The following AOPEP variants were observed in gnomAD, a reference collection of about 807,000 sequenced individuals.
AOPEP encodes the protein aminopeptidase O (putative).
A neutral mutation model predicts 98.1 loss-of-function variants in AOPEP; 77 were observed. The observed-to-expected ratio is 0.78, with a 90% confidence interval of 0.65 to 0.95. The LOEUF (loss-of-function observed/expected upper bound fraction) is 0.95. Among genes scored for constraint, AOPEP ranks in the 40% least tolerant of loss-of-function variants. The pLI, the probability that AOPEP is intolerant of heterozygous loss-of-function variation, is 0.00. For missense variants in AOPEP, 1,024 were observed against 1,024.7 expected, an observed-to-expected ratio of 1.00 and a Z score of 0.01; for synonymous variants, 346 against 365.3, an observed-to-expected ratio of 0.95 and a Z score of 0.60.
At chr9:94,729,104 C>G (rs184813120) in intron 1 of AOPEP, among the ~76,000 whole-genome samples, 2 of 152,040 alleles carry the variant, frequency 1.3e-5, no homozygotes, top group South Asian at 2.1e-4. Context: ...TTCTTGTGAT[C>G]GTGATATTTA....
At chr9:95,144,214 C>T in the AOPEP span, among the ~76,000 whole-genome samples, 2 of 152,174 alleles carry the variant, frequency 1.3e-5, no homozygotes, top group African/African-American at 2.4e-5. Context: ...TGGGATGTTC[C>T]GCCTACGGGA....
the AOPEP span, among the ~76,000 whole-genome samples, chr9:95,124,498 G>A: frequency 5.9e-5 from 9 of 152,276 alleles, no homozygotes; most frequent in East Asian, 1.7e-3. Context: ...GTGCGGGCCT[G>A]GCCTTTGGTT....
intron 14 of AOPEP, among the ~76,000 whole-genome samples, chr9:95,064,578 C>T (rs941311708): frequency 1.3e-5 from 2 of 152,338 alleles, no homozygotes; most frequent in East Asian, 1.9e-4. Flanking sequence ...CGTGAGCCAC[C>T]GCGCCTGGCC....
intron 7 of AOPEP, chr9:94,933,158 C>T (rs1251727775): frequency 2.0e-6 from 2 of 985,632 alleles, no homozygotes; most frequent in Admixed American, 1.2e-4. Context: ...GTCATCTATC[C>T]CCTGCCTACA....
At chr9:94,882,078 C>T (rs1051857916) in intron 5 of AOPEP, among the ~76,000 whole-genome samples, 12 of 152,186 alleles carry the variant, frequency 7.9e-5, no homozygotes, top group Non-Finnish European at 1.6e-4. Flanking sequence ...CTAAGCTCAG[C>T]TTTAGAACAT....
downstream of AOPEP, among the ~76,000 whole-genome samples, chr9:95,092,007 A>C (rs2134353526): frequency 6.6e-6 from 1 of 152,078 alleles, no homozygotes; most frequent in Admixed American, 6.5e-5. Context: ...TTCGGTCACC[A>C]GGCTGTGGCC....
At chr9:94,968,031 C>T (rs57054200) in intron 10 of AOPEP, among the ~76,000 whole-genome samples, 11,779 of 152,040 alleles carry the variant, frequency 0.077, 1,146 homozygotes, top group African/African-American at 0.23. Context: ...AGTCAGGAGC[C>T]CCAAAAGTGA....
At chr9:95,114,756 A>C in the AOPEP span, 831 of 1,562,042 alleles carry the variant, frequency 5.3e-4, no homozygotes, top group Non-Finnish European at 6.8e-4. Context: ...AGGAAATGTC[A>C]AGCCCATGAG....
At chr9:94,750,336 A>C (rs1390853317) in intron 1 of AOPEP, among the ~76,000 whole-genome samples, 1 of 152,188 alleles carries the variant, frequency 6.6e-6, no homozygotes, top group African/African-American at 2.4e-5. Flanking sequence ...CTGTAATCCC[A>C]GCACTTTAGG....
intron 5 of AOPEP, among the ~76,000 whole-genome samples, chr9:94,867,275 TA>T (rs996233252): frequency 6.6e-6 from 1 of 152,234 alleles, no homozygotes; most frequent in Non-Finnish European, 1.5e-5. Context: ...GATTTGCATT[TA>T]TCCCCTTTCT....
chr9:94,921,865 G>A (rs967566381), intron 5 of AOPEP, among the ~76,000 whole-genome samples: 4 of 152,150 alleles, frequency 2.6e-5, no homozygotes, highest in African/African-American at 9.7e-5. Flanking sequence ...GAGCCGGCAG[G>A]ATGTTCAGAC....
chr9:94,986,919 GT>G (rs2060558521), intron 11 of AOPEP, among the ~76,000 whole-genome samples: 1 of 152,176 alleles, frequency 6.6e-6, no homozygotes, highest in South Asian at 2.1e-4. Context: ...AATTAAAAAT[GT>G]TTCCTCTCTC....
At chr9:94,731,383 A>G (rs1050551047) in intron 1 of AOPEP, among the ~76,000 whole-genome samples, 4 of 151,766 alleles carry the variant, frequency 2.6e-5, no homozygotes, top group South Asian at 4.2e-4. Flanking sequence ...GTCCGCCACC[A>G]TGCCCGGCTA....
At chr9:95,082,898 C>G in intron 16 of AOPEP, 179 bp downstream of exon 16, 1 of 649,768 alleles carries the variant, frequency 1.5e-6, no homozygotes, top group Non-Finnish European at 2.5e-6. Context: ...ATGGGAGCCC[C>G]GGGTCCCTGG....
At chr9:95,016,557 G>T (rs541972162) in intron 13 of AOPEP, among the ~76,000 whole-genome samples, 2 of 152,028 alleles carry the variant, frequency 1.3e-5, no homozygotes, top group Non-Finnish European at 2.9e-5. Flanking sequence ...TGTGATTTTT[G>T]AATGTTAGGT....
intron 3 of AOPEP, among the ~76,000 whole-genome samples, chr9:94,789,266 G>C (rs1845115142): frequency 6.6e-6 from 1 of 152,166 alleles, no homozygotes; most frequent in Admixed American, 6.5e-5. Context: ...AAGCAAAGGT[G>C]GCCTCGGCCT....
At chr9:94,853,125 C>T (rs946957765) in intron 5 of AOPEP, among the ~76,000 whole-genome samples, 1 of 151,704 alleles carries the variant, frequency 6.6e-6, no homozygotes, top group Admixed American at 6.6e-5. Flanking sequence ...ACACAAACAG[C>T]CAAAAAAGGA....
At chr9:95,005,872 G>C (rs766366700) in intron 13 of AOPEP, 25 of 568,378 alleles carry the variant, frequency 4.4e-5, no homozygotes, top group Non-Finnish European at 8.0e-5. Flanking sequence ...GACTTAAGTG[G>C]GTTCCATTAT....
In AOPEP at chr9:95,014,657, A is replaced by G. The variant is rs148169991; in HGVS notation, c.2115+9041A>G. On this transcript the variant is annotated intron_variant, in intron 13 of 16. Coordinates refer to ENST00000375315, the MANE Select transcript of AOPEP (RefSeq NM_001193329.3). ...TCTCTGCATCTACTCATGGAGGACT[A>G]CTACTGGATTGAAGGAAGTGGCGCT... Among the ~76,000 whole-genome samples, 1,419 of 152,258 alleles carry G rather than the reference A, an allele frequency of 9.3e-3. 10 individuals are homozygous for G. The highest frequency in any genetic ancestry group is 0.043 in the South Asian group (207 of 4,820).
Sources: gnomAD v4.1 joint callset for allele counts (sites outside exome capture counted in the v4.1 genomes callset) on GRCh38, gnomAD v4.1.1 for gene constraint, MANE v1.5 for transcripts, NCBI Gene and HGNC (gene_info 2026-07-23, HGNC 2026-07-21) for gene names.